PRR5L: variants seen among roughly 807,000 people sequenced by gnomAD.
PRR5L encodes the protein proline rich 5 like, also known as proline-rich protein 5-like.
A neutral mutation model predicts 36.4 loss-of-function variants in PRR5L; 21 were observed. The ratio of observed to expected loss-of-function variants is 0.58; its 90% confidence interval spans 0.41 to 0.83. PRR5L has a LOEUF of 0.83. PRR5L is among the 40% of genes least tolerant of loss of function. The pLI is 0.00. For synonymous variants in PRR5L, 188 were observed against 197.0 expected (o/e 0.95, Z 0.38); for missense variants, 381 against 473.3 (o/e 0.80, Z 1.81).
At chr11:36,430,384 C>A (rs1228906864) in intron 4 of PRR5L, among the ~76,000 whole-genome samples, 1 of 152,170 alleles carries the variant, frequency 6.6e-6, no homozygotes, top group Non-Finnish European at 1.5e-5. Flanking sequence ...TGCACTCCAG[C>A]CTGGGTGACA....
chr11:36,378,135 T>C (rs960523824), intron 1 of PRR5L, among the ~76,000 whole-genome samples: 2 of 152,160 alleles, frequency 1.3e-5, no homozygotes, highest in African/African-American at 4.8e-5. Context: ...AGTGCTGAGC[T>C]GTGGTAAATT....
Position 36,437,474 on chromosome 11 carries a change from C to T in PRR5L, c.442C>T (p.Gln148Ter). Reference sequence around the variant, plus strand: ...CCTGCAGGCAATATTTTATCCAGTTCAGGTTAGTCTCATTGGGGAACACTT... The same window carrying T: ...CCTGCAGGCAATATTTTATCCAGTTTAGGTTAGTCTCATTGGGGAACACTT... ...PTLQAIFYPVQGQELTIRQIS... is the reference protein window; with the variant it reads ...PTLQAIFYPV Residue 148 changes from glutamine (Q) to a stop codon, truncating the protein, a stop_gained and splice_region_variant, in exon 6 of 9, where the codon CAG becomes TAG. Coordinates refer to ENST00000530639, the MANE Select transcript of PRR5L (RefSeq NM_001160167.2). LOFTEE classifies it high-confidence loss of function. 1 of 1,583,782 alleles carries T rather than the reference C, an allele frequency of 6.3e-7. No homozygotes were observed. Among genetic ancestry groups the T allele is most frequent in the Non-Finnish European group, 8.7e-7 (1 of 1,153,848 alleles).
chr11:36,310,401 T>G (rs1349690241), intron 1 of PRR5L, among the ~76,000 whole-genome samples: 3 of 152,226 alleles, frequency 2.0e-5, no homozygotes, highest in Admixed American at 2.0e-4. Flanking sequence ...CAGAGAGCAT[T>G]TAATAGGGGC....
chr11:36,418,027 C>T (rs1235544777), intron 3 of PRR5L, among the ~76,000 whole-genome samples: 1 of 152,140 alleles, frequency 6.6e-6, no homozygotes, highest in Non-Finnish European at 1.5e-5. Context: ...GAGCTGGTGT[C>T]AATATCCCTA....
chr11:36,462,002 T>A (rs973408145), intron 8 of PRR5L, among the ~76,000 whole-genome samples: 2 of 152,124 alleles, frequency 1.3e-5, no homozygotes, highest in African/African-American at 4.8e-5. Flanking sequence ...TCAGAGGACA[T>A]TGATTGAAAG....
At chr11:36,392,095 A>G (rs1205244608) in intron 1 of PRR5L, among the ~76,000 whole-genome samples, 1 of 152,140 alleles carries the variant, frequency 6.6e-6, no homozygotes, top group Non-Finnish European at 1.5e-5. Flanking sequence ...GGCTTATTTC[A>G]CTTAACATAA....
intron 8 of PRR5L, 73 bp from the exon 9 acceptor site, chr11:36,462,269 C>T (rs1445405789): frequency 2.1e-6 from 3 of 1,407,700 alleles, no homozygotes; most frequent in Admixed American, 2.6e-5. Flanking sequence ...TCTTTTCCCC[C>T]AGTTGGATTA....
At chr11:36,441,705 C>G (rs900878972) in intron 6 of PRR5L, among the ~76,000 whole-genome samples, 4 of 152,170 alleles carry the variant, frequency 2.6e-5, no homozygotes, top group Non-Finnish European at 5.9e-5. Context: ...GGTAGAGTCT[C>G]TTTGTGGGGG....
chr11:36,374,799 A>T (rs1373542372), intron 1 of PRR5L, among the ~76,000 whole-genome samples: 1 of 152,258 alleles, frequency 6.6e-6, no homozygotes, highest in Non-Finnish European at 1.5e-5. Context: ...AAACTGAGGC[A>T]CAGCAAAGTT....
intron 7 of PRR5L, among the ~76,000 whole-genome samples, chr11:36,447,477 C>T (rs758376985): frequency 2.0e-5 from 3 of 152,198 alleles, no homozygotes; most frequent in South Asian, 2.1e-4. Flanking sequence ...ACACAATTCT[C>T]GACGAGTAGG....
At chr11:36,361,224 G>A (rs1857084280) in intron 1 of PRR5L, among the ~76,000 whole-genome samples, 1 of 152,072 alleles carries the variant, frequency 6.6e-6, no homozygotes, top group African/African-American at 2.4e-5. Flanking sequence ...CATGGCATTG[G>A]TATTGCAACA....
chr11:36,362,869 G>T (rs1286305010), intron 1 of PRR5L, among the ~76,000 whole-genome samples: 2 of 152,168 alleles, frequency 1.3e-5, no homozygotes, highest in Non-Finnish European at 2.9e-5. Context: ...GGGGCTGGGG[G>T]GTGGTGTGTG....
intron 3 of PRR5L, among the ~76,000 whole-genome samples, chr11:36,410,003 G>C (rs992773423): frequency 1.3e-5 from 2 of 152,192 alleles, no homozygotes; most frequent in African/African-American, 2.4e-5. Flanking sequence ...TTCATGAATA[G>C]ATCATGAGGT....
chr11:36,346,508 G>C (rs1250299964), intron 1 of PRR5L, among the ~76,000 whole-genome samples: 4 of 151,992 alleles, frequency 2.6e-5, no homozygotes, highest in Admixed American at 6.6e-5. Context: ...GCGTGAACCC[G>C]GGAGGCGGAG....
At chr11:36,446,247 G>A in intron 6 of PRR5L, 53 bp from the exon 7 acceptor site, 1 of 1,597,892 alleles carries the variant, frequency 6.3e-7, no homozygotes, top group Non-Finnish European at 8.5e-7. Context: ...CATGGTCGGT[G>A]GCAGATTCAG....
intron 1 of PRR5L, among the ~76,000 whole-genome samples, chr11:36,384,936 G>T (rs1286761049): frequency 6.6e-6 from 1 of 150,932 alleles, no homozygotes; most frequent in African/African-American, 2.4e-5. Context: ...CTCCTAAATT[G>T]CTGGGATTAT....
At chr11:36,420,834 A>AACACACATACAC (rs1858247761) in intron 4 of PRR5L, among the ~76,000 whole-genome samples, 1 of 139,302 alleles carries the variant, frequency 7.2e-6, no homozygotes, top group Admixed American at 7.3e-5. Flanking sequence ...CAGTTGTTTA[A>AACACACATACAC]ACACACACAC....
chr11:36,393,349 G>A (rs1460129273), intron 1 of PRR5L, among the ~76,000 whole-genome samples: 1 of 152,104 alleles, frequency 6.6e-6, no homozygotes, highest in Admixed American at 6.6e-5. Context: ...ATTTTGGTTT[G>A]ATTTTTATAT....
intron 2 of PRR5L, among the ~76,000 whole-genome samples, chr11:36,402,296 T>G (rs1332165600): frequency 6.6e-6 from 1 of 152,194 alleles, no homozygotes; most frequent in Non-Finnish European, 1.5e-5. Flanking sequence ...CAGGCTGGAG[T>G]GCAGTGGTGC....
Sources: allele counts gnomAD v4.1 joint callset (sites outside exome capture counted in the v4.1 genomes callset), GRCh38; gene constraint gnomAD v4.1.1; transcripts MANE v1.5; gene names NCBI Gene and HGNC (gene_info 2026-07-23, HGNC 2026-07-21).